The following IKZF2 variants were observed in gnomAD, a reference collection of about 807,000 sequenced individuals.
IKZF2 encodes the protein zinc finger protein Helios.
IKZF2 carries 15 observed loss-of-function variants against 49.2 expected under a neutral mutation model. The ratio of observed to expected loss-of-function variants is 0.30; its 90% CI spans 0.20 to 0.47. The LOEUF (loss-of-function observed/expected upper bound fraction) is 0.47. Among genes scored for constraint, IKZF2 ranks in the 20% least tolerant of loss-of-function variants. The pLI is 1.00. For missense variants in IKZF2, 567 were observed against 664.6 expected, an observed-to-expected ratio of 0.85 and a Z score of 1.61; for synonymous variants, 227 against 221.4, an observed-to-expected ratio of 1.03 and a Z score of -0.23.
intron 4 of IKZF2, among the ~76,000 whole-genome samples, chr2:213,107,819 C>T (rs962200742): frequency 8.5e-5 from 13 of 152,086 alleles, no homozygotes; most frequent in African/African-American, 2.4e-4. Context: ...TACTGGAACA[C>T]GACAGAACAC....
chr2:213,094,988 T>A (rs1705805558), intron 4 of IKZF2, among the ~76,000 whole-genome samples: 1 of 152,144 alleles, frequency 6.6e-6, no homozygotes, highest in Admixed American at 6.6e-5. Flanking sequence ...AGTGAAGTGG[T>A]ATATGAGAAT....
chr2:213,033,412 C>G (rs1574557117), intron 6 of IKZF2, among the ~76,000 whole-genome samples: 1 of 152,310 alleles, frequency 6.6e-6, no homozygotes, highest in East Asian at 1.9e-4. Context: ...GTTTACTTTG[C>G]CCACATCCAT....
At chr2:213,113,771 T>C (rs536518941) in intron 4 of IKZF2, among the ~76,000 whole-genome samples, 15 of 152,214 alleles carry the variant, frequency 9.9e-5, no homozygotes, top group African/African-American at 3.6e-4. Context: ...GAGAGAGGTG[T>C]TTGTTTGTTT....
rs752343024 is a variant in IKZF2, at chr2:213,001,758, A to G, written c.*5602T>C. ...CAAAGAAAGAGGCTGAGGGAGATGT[A>G]ACAAAATTTAAGAGATAACAGAGAG... On this transcript the variant is annotated 3_prime_UTR_variant, in exon 9 of 9. Transcript: ENST00000434687. The G allele has an allele frequency of 6.6e-6, 1 of 151,870 alleles. No homozygotes were observed. Among genetic ancestry groups the G allele is most frequent in the South Asian group, 2.1e-4 (1 of 4,830 alleles). 9.4% of individuals were successfully genotyped at this position (151,870 alleles called of 1,614,324 possible).
intron 4 of IKZF2, among the ~76,000 whole-genome samples, chr2:213,069,774 A>G (rs917371028): frequency 6.6e-6 from 1 of 152,132 alleles, no homozygotes; most frequent in Non-Finnish European, 1.5e-5. Flanking sequence ...TCCTGGGACA[A>G]GCTGAAACCT....
At chr2:213,105,449 AT>A (rs2059491992) in intron 4 of IKZF2, among the ~76,000 whole-genome samples, 3 of 151,932 alleles carry the variant, frequency 2.0e-5, no homozygotes. Context: ...TGCAGGAATG[AT>A]GTTCTCATTC....
At chr2:213,119,495 T>C (rs1200154227) in intron 4 of IKZF2, among the ~76,000 whole-genome samples, 2 of 152,050 alleles carry the variant, frequency 1.3e-5, no homozygotes, top group Non-Finnish European at 2.9e-5. Flanking sequence ...GATGAAAGTG[T>C]GGGAGACAAG....
At position 213,012,927 on chromosome 2, in the gene IKZF2, T is replaced by C. The variant is rs536772630; in HGVS notation, c.856+864A>G. ...ATAACAATTCTTTAACAATTCTTTTTATTGAATCTCTATTATTCATATTTC... is the reference window on the plus strand; with the variant it reads ...ATAACAATTCTTTAACAATTCTTTTCATTGAATCTCTATTATTCATATTTC... On this transcript the variant is annotated intron_variant, in intron 8 of 8. Coordinates refer to ENST00000434687, the MANE Select transcript of IKZF2 (RefSeq NM_001387220.1). Among the ~76,000 whole-genome samples the C allele has an allele frequency of 2.0e-5, 3 of 152,180 alleles. No homozygotes were observed. In the South Asian group the frequency reaches 6.2e-4, roughly 32 times the overall value.
chr2:213,040,001 G>T (rs1699453158), intron 6 of IKZF2, among the ~76,000 whole-genome samples: 1 of 152,000 alleles, frequency 6.6e-6, no homozygotes, highest in African/African-American at 2.4e-5. Context: ...AAGAGACAAT[G>T]AATAAATGTC....
Position 213,113,998 on chromosome 2 carries a change from G to C in IKZF2, c.139+33710C>G, listed in dbSNP as rs370230783. The stretch of plus-strand genomic sequence containing the variant: ...CCTCCTAATATACCTGTAATAATCA[G>C]TTACGTCTAATACATCTCTTGAGCC... On this transcript the variant is annotated intron_variant, in intron 4 of 8. Transcript: ENST00000434687. Among the ~76,000 whole-genome samples the C allele has an allele frequency of 3.4e-4, 52 of 152,218 alleles. 1 individual carries two copies. The East Asian group carries it at 8.5e-3, about 25-fold the overall frequency.
intron 4 of IKZF2, among the ~76,000 whole-genome samples, chr2:213,123,821 T>C (rs914366080): frequency 6.6e-6 from 1 of 152,004 alleles, no homozygotes; most frequent in Admixed American, 6.5e-5. Context: ...ATGATGATAG[T>C]ATTCTAAATA....
intron 4 of IKZF2, among the ~76,000 whole-genome samples, chr2:213,068,946 C>CAA (rs1702416221): frequency 6.9e-6 from 1 of 145,234 alleles, no homozygotes; most frequent in Non-Finnish European, 1.5e-5. Flanking sequence ...CACACACACA[C>CAA]AACATACTCA....
intron 4 of IKZF2, among the ~76,000 whole-genome samples, chr2:213,142,226 C>T (rs771233684): frequency 6.6e-6 from 1 of 151,682 alleles, no homozygotes; most frequent in African/African-American, 2.4e-5. Context: ...TTGAGCGCCA[C>T]CCCCCTCCCC....
intron 6 of IKZF2, among the ~76,000 whole-genome samples, chr2:213,035,695 G>A (rs959776907): frequency 6.6e-6 from 1 of 152,186 alleles, no homozygotes; most frequent in African/African-American, 2.4e-5. Context: ...AGAACCCAGA[G>A]TGAGGCGTAA....
At chr2:213,036,861 G>A (rs1699085132) in intron 6 of IKZF2, among the ~76,000 whole-genome samples, 1 of 152,032 alleles carries the variant, frequency 6.6e-6, no homozygotes, top group African/African-American at 2.4e-5. Context: ...AGGTTTCTTT[G>A]ACTCACATAC....
Position 213,016,294 on chromosome 2 carries a change from T to C in IKZF2, c.713-2360A>G, listed in dbSNP as rs572198745. On this transcript the variant is annotated intron_variant, in intron 7 of 8. Coordinates refer to ENST00000434687, the MANE Select transcript of IKZF2 (RefSeq NM_001387220.1). ...AGATGTTAAGTAATTTCCTCAGGGT[T>C]TACATCTAGTTAGTAGAGAATGTTA... Among the ~76,000 whole-genome samples the C allele has an allele frequency of 3.3e-5, 5 of 152,210 alleles. No individual in the cohort carries two copies. In the South Asian group the frequency reaches 1.0e-3, roughly 32 times the overall value.
At chr2:213,047,900 A>G (rs1379386977) in intron 6 of IKZF2, among the ~76,000 whole-genome samples, 1 of 152,122 alleles carries the variant, frequency 6.6e-6, no homozygotes, top group African/African-American at 2.4e-5. Flanking sequence ...AACCTTATTT[A>G]GCCGATGTGC....
At chr2:213,094,112 C>G (rs1253586973) in intron 4 of IKZF2, among the ~76,000 whole-genome samples, 1 of 152,060 alleles carries the variant, frequency 6.6e-6, no homozygotes, top group Non-Finnish European at 1.5e-5. Flanking sequence ...CTGAGTTCAT[C>G]TGAGAAAGGT....
intron 4 of IKZF2, among the ~76,000 whole-genome samples, chr2:213,083,774 G>A (rs1460624010): frequency 2.0e-5 from 3 of 150,138 alleles, no homozygotes; most frequent in Admixed American, 6.7e-5. Flanking sequence ...AGAATCTAAC[G>A]CCTGATGATC....
Sources: allele counts gnomAD v4.1 joint callset (sites outside exome capture counted in the v4.1 genomes callset), GRCh38; gene constraint gnomAD v4.1.1; transcripts MANE v1.5; gene names NCBI Gene and HGNC (gene_info 2026-07-23, HGNC 2026-07-21).